The following NCAPG2 variants were observed in gnomAD, a reference collection of about 807,000 sequenced individuals.
NCAPG2 encodes the protein condensin-2 complex subunit G2.
In NCAPG2, 53 loss-of-function variants were observed where a neutral mutation model predicts 141.1. The observed-to-expected ratio is 0.38, with a 90% CI of 0.30 to 0.47. The LOEUF (loss-of-function observed/expected upper bound fraction) is 0.47. Ranked by LOEUF, NCAPG2 falls within the 20% of genes least tolerant of loss-of-function variation. NCAPG2 has a pLI of 0.99. For synonymous variants in NCAPG2, 499 were observed against 490.7 expected (o/e 1.02, Z -0.22); for missense variants, 1,087 against 1,389.0 (o/e 0.78, Z 3.46).
chr7:158,659,683 A>AAAT (rs1428397092), intron 16 of NCAPG2, among the ~76,000 whole-genome samples: 3 of 152,106 alleles, frequency 2.0e-5, no homozygotes, highest in Non-Finnish European at 4.4e-5. Flanking sequence ...GTGAATCCTA[A>AAAT]AATAATGATA....
chr7:158,677,525 C>CAAAAAAAAAAAAAAAAAAAAAAA, intron 11 of NCAPG2, among the ~76,000 whole-genome samples: 5 of 90,402 alleles, frequency 5.5e-5, no homozygotes, highest in African/African-American at 9.1e-5. Flanking sequence ...AAAAATAAAG[C>CAAAAAAAAAAAAAAAAAAAAAAA]AAAAAAAAAA....
chr7:158,637,099 C>T (rs1225515150), intron 27 of NCAPG2, among the ~76,000 whole-genome samples: 3 of 152,100 alleles, frequency 2.0e-5, no homozygotes, highest in Non-Finnish European at 4.4e-5. Context: ...AGGCGCCCGC[C>T]ACCATGCCCG....
intron 24 of NCAPG2, 50 bp from the exon 25 acceptor site, chr7:158,646,613 C>A: frequency 1.6e-6 from 2 of 1,277,348 alleles, no homozygotes; most frequent in Non-Finnish European, 2.2e-6. Flanking sequence ...AGGCTACTTA[C>A]TTGTAAATTA....
At chr7:158,673,587 C>A (rs963413881) in intron 12 of NCAPG2, among the ~76,000 whole-genome samples, 3 of 152,230 alleles carry the variant, frequency 2.0e-5, no homozygotes, top group African/African-American at 4.8e-5. Context: ...CAGGTGTGCA[C>A]CCCAGGAGCA....
At chr7:158,693,574 AAAGTT>A in intron 2 of NCAPG2, 77 bp from the exon 3 acceptor site, 1 of 1,291,120 alleles carries the variant, frequency 7.7e-7, no homozygotes. Context: ...CATCAAAAGA[AAAGTT>A]AAGTGTTAAC....
chr7:158,637,015 T>TCC (rs200160271), intron 27 of NCAPG2, among the ~76,000 whole-genome samples: 1 of 151,786 alleles, frequency 6.6e-6, no homozygotes, highest in Non-Finnish European at 1.5e-5. Flanking sequence ...TGGTGTGATC[T>TCC]TGGCTCACTG....
intron 2 of NCAPG2, among the ~76,000 whole-genome samples, chr7:158,700,100 T>C (rs1231113376): frequency 6.6e-6 from 1 of 152,214 alleles, no homozygotes; most frequent in Non-Finnish European, 1.5e-5. Flanking sequence ...ACCATCATTA[T>C]TATATAAAAT....
intron 1 of NCAPG2, chr7:158,703,792 T>C (rs992459141): frequency 1.3e-5 from 2 of 152,498 alleles, no homozygotes; most frequent in Non-Finnish European, 2.9e-5. Context: ...TCCTTCCTCA[T>C]GGACACAACA....
rs996960284 is a variant in NCAPG2 at position 158,633,064 on chromosome 7, AT to A, written c.3381-1348del. Among the ~76,000 whole-genome samples, 44 of 150,280 alleles carry A rather than the reference AT, an allele frequency of 2.9e-4. No individual in the cohort carries two copies. The highest frequency in any genetic ancestry group is 8.4e-4 in the South Asian group (4 of 4,750). On this transcript the variant is annotated intron_variant, in intron 27 of 27. Transcript: ENST00000356309. This position sits in a 1 kb window ranked among gnomAD's most constrained non-coding sequence, Gnocchi z 4.1. ...TCTTATCCATAATTATTTAGCTGTG[AT>A]TTTTTTTTTCCATCAATCCAGAATG... is the stretch of plus-strand genomic sequence containing the variant.
intron 2 of NCAPG2, among the ~76,000 whole-genome samples, chr7:158,695,649 T>G (rs956330651): frequency 6.6e-6 from 1 of 152,212 alleles, no homozygotes; most frequent in Non-Finnish European, 1.5e-5. Context: ...TGTTCAAATA[T>G]CAAAATGTTC....
intron 25 of NCAPG2, 140 bp downstream of exon 25, chr7:158,646,320 A>G: frequency 1.7e-6 from 1 of 590,900 alleles, no homozygotes; most frequent in Non-Finnish European, 2.8e-6. Context: ...GATAAAATGG[A>G]GAAAAAATTA....
In NCAPG2 at chr7:158,675,664, T is replaced by C. The variant is rs774409300; in HGVS notation, c.1147-8A>G. The C allele has an allele frequency of 1.1e-5, 18 of 1,604,218 alleles. No individual in the cohort carries two copies. The South Asian group carries it at 1.8e-4, about 16-fold the overall frequency. On this transcript the variant is annotated splice_region_variant and splice_polypyrimidine_tract_variant and intron_variant, in intron 11 of 27. Coordinates refer to ENST00000356309, the MANE Select transcript of NCAPG2 (RefSeq NM_017760.7). Reference sequence around the variant, plus strand: ...AGGATCTTCTAAAAGGCTCTATAAGTAGGAGGGGAGAAAGGCTTAAAAACC... The same window carrying C: ...AGGATCTTCTAAAAGGCTCTATAAGCAGGAGGGGAGAAAGGCTTAAAAACC...
At position 158,689,947 on chromosome 7, in the gene NCAPG2, C is replaced by T; in HGVS notation, c.544G>A (p.Asp182Asn). The change falls in exon 6 of 28, where the codon GAC (aspartate) becomes AAC (asparagine). Residue 182 changes from aspartate to asparagine, a missense_variant. Physicochemically the swap from Asp to Asn is conservative, Grantham distance 23. Coordinates refer to ENST00000356309, the MANE Select transcript of NCAPG2 (RefSeq NM_017760.7). ...TGGATACGCCAAAGCCGACATACGT[C>T]TGCACCCTAGGAATGACACAAAAAA... ...RRSLETKTGADVCRLWRIHQA... is the reference protein window; with the variant it reads ...RRSLETKTGANVCRLWRIHQA... 3 of 1,558,884 alleles carry T rather than the reference C, an allele frequency of 1.9e-6. No homozygotes were observed. The highest frequency in any genetic ancestry group is 2.6e-6 in the Non-Finnish European group (3 of 1,158,350).
At chr7:158,639,888 T>TG (rs1830518861) in intron 27 of NCAPG2, 1 of 970,422 alleles carries the variant, frequency 1.0e-6, no homozygotes, top group African/African-American at 1.8e-5. Context: ...AAAATGCAGC[T>TG]GTTTTGATAG....
In NCAPG2 at chr7:158,664,727, C is replaced by G. The variant is rs1456525967; in HGVS notation, c.1503G>C (p.Glu501Asp). The G allele has an allele frequency of 6.2e-7, 1 of 1,614,042 alleles. No homozygotes were observed. Among genetic ancestry groups the G allele is most frequent in the Admixed American group, 1.7e-5 (1 of 60,002 alleles). ...AAKFWKICPM[E>D]HILVRLETDS... is the part of the protein sequence containing the mutation. ...CAGTTTCCAGACGAACCAGAATGTG[C>G]TCCATGGGACATATTTTCCAAAACT... Residue 501 changes from glutamate (E) to aspartate (D), a missense_variant, in exon 14 of 28, where the codon GAG (glutamate) becomes GAC (aspartate). Coordinates refer to ENST00000356309, the MANE Select transcript of NCAPG2 (RefSeq NM_017760.7).
intron 17 of NCAPG2, 70 bp downstream of exon 17, chr7:158,658,268 A>T (rs1832174981): frequency 1.2e-5 from 17 of 1,406,234 alleles, no homozygotes; most frequent in Non-Finnish European, 1.6e-5. Flanking sequence ...TGCTGACATG[A>T]ATTAATAATT....
rs1378826376 is a variant in NCAPG2, at chr7:158,631,222, T to A, written c.*444A>T. The A allele has an allele frequency of 5.7e-6, 1 of 176,954 alleles. No homozygotes were observed. The highest frequency in any genetic ancestry group is 2.4e-5 in the African/African-American group (1 of 41,546). The allele number at this position is 176,954 out of a possible 1,614,324, so 11.0% of individuals were successfully genotyped here. A position where few individuals can be genotyped will look rare whatever the true frequency, so the allele number is the denominator to read the frequency against. ...GTCTTGAACTCCTGACCTCAAGTGA[T>A]CTATCTGCCTGCCTCAGCCTCCCAA... On this transcript the variant is annotated 3_prime_UTR_variant, in exon 28 of 28. Transcript: ENST00000356309.
intron 2 of NCAPG2, among the ~76,000 whole-genome samples, chr7:158,698,890 A>G (rs1297161653): frequency 6.6e-6 from 1 of 151,912 alleles, no homozygotes; most frequent in African/African-American, 2.4e-5. Context: ...GGCTCAAGTA[A>G]TTCTACTGCC....
chr7:158,668,214 C>CCCTTACCCACTACTGGGTCCCTCTGCCCG (rs1833353392), intron 13 of NCAPG2: 1 of 168,242 alleles, frequency 5.9e-6, no homozygotes, highest in Non-Finnish European at 7.3e-6. Context: ...CCTCCGCCCC[C>CCCTTACCCACTACTGGGTCCCTCTGCCCG]CCTTACCCAC....
Sources: gnomAD v4.1 joint callset for allele counts (sites outside exome capture counted in the v4.1 genomes callset) on GRCh38, gnomAD v4.1.1 for gene constraint, Gnocchi (gnomAD v3.1) non-coding constraint, MANE v1.5 for transcripts, NCBI Gene and HGNC (gene_info 2026-07-23, HGNC 2026-07-21) for gene names.